The following ZRANB3 variants were observed in gnomAD, a reference collection of about 807,000 sequenced individuals.
The protein encoded by ZRANB3 is DNA annealing helicase and endonuclease ZRANB3.
A neutral mutation model predicts 133.8 loss-of-function variants in ZRANB3; 125 were observed. That is an observed-to-expected ratio of 0.93 (90% confidence interval 0.81 to 1.08). The LOEUF (loss-of-function observed/expected upper bound fraction) is 1.08, where lower values mean the gene tolerates loss of function less well. ZRANB3 is among the 50% of genes least tolerant of loss of function. The pLI, the probability that ZRANB3 is intolerant of heterozygous loss-of-function variation, is 0.00. For missense variants in ZRANB3, 1,229 were observed against 1,275.5 expected (o/e 0.96, Z 0.56); for synonymous variants, 387 against 432.7 (o/e 0.89, Z 1.31).
chr2:135,401,625 G>GGGTT (rs1687733942), intron 2 of ZRANB3, among the ~76,000 whole-genome samples: 1 of 152,154 alleles, frequency 6.6e-6, no homozygotes, highest in African/African-American at 2.4e-5. Flanking sequence ...TGTTAAAATA[G>GGGTT]GGTTGACTCA....
At position 135,511,819 on chromosome 2, in the gene ZRANB3, T is replaced by C. The variant is rs183759509; in HGVS notation, c.-7-7323A>G. 3.6e-4 allele frequency: 271 copies of C among 761,042 alleles called. 1 individual carries two copies. Among genetic ancestry groups the C allele is most frequent in the Admixed American group, 8.6e-4 (50 of 58,252 alleles). 47.1% of individuals were successfully genotyped at this position (761,042 alleles called of 1,614,324 possible). A position where few individuals can be genotyped will look rare whatever the true frequency, so the allele number is the denominator to read the frequency against. On this transcript the variant is annotated intron_variant, in intron 1 of 20. Coordinates refer to ENST00000264159, the MANE Select transcript of ZRANB3 (RefSeq NM_032143.4). Reference sequence around the variant, plus strand: ...CTTTCTATTTGAATCCAATCCCCCATGGACATAAGAAGAGTTCCTTCCATA... The same window carrying C: ...CTTTCTATTTGAATCCAATCCCCCACGGACATAAGAAGAGTTCCTTCCATA...
intron 12 of ZRANB3, among the ~76,000 whole-genome samples, chr2:135,262,068 G>A (rs1462815717): frequency 1.3e-5 from 2 of 149,722 alleles, no homozygotes; most frequent in African/African-American, 4.9e-5. Context: ...GCTGAGGCAG[G>A]AGCATTGCTT....
intron 1 of ZRANB3, among the ~76,000 whole-genome samples, chr2:135,522,309 A>G (rs1199629381): frequency 6.6e-6 from 1 of 152,112 alleles, no homozygotes; most frequent in African/African-American, 2.4e-5. Context: ...TTGTAAACCA[A>G]TAAATTGGGT....
At chr2:135,442,741 G>A (rs566034980) in intron 2 of ZRANB3, among the ~76,000 whole-genome samples, 1 of 152,228 alleles carries the variant, frequency 6.6e-6, no homozygotes, top group African/African-American at 2.4e-5. Context: ...AAAGACACAC[G>A]CAAACGTATG....
rs1478207395 is a variant in ZRANB3 at position 135,295,039 on chromosome 2, G to C, written c.966+18450C>G. 2.0e-5 allele frequency among the ~76,000 whole-genome samples: 3 copies of C among 152,242 alleles called. No individual in the cohort carries two copies. In the East Asian group the frequency reaches 5.8e-4, roughly 29 times the overall value. ...TAACTATGTGGTTAATTTTGGGATAGGTGTGGTGTGGTGCTGAAAAGAATG... is the reference window on the plus strand; with the variant it reads ...TAACTATGTGGTTAATTTTGGGATACGTGTGGTGTGGTGCTGAAAAGAATG... On this transcript the variant is annotated intron_variant, in intron 8 of 20. Coordinates refer to ENST00000264159, the MANE Select transcript of ZRANB3 (RefSeq NM_032143.4).
chr2:135,201,752 CT>C (rs1331298254), intron 20 of ZRANB3, among the ~76,000 whole-genome samples: 1 of 151,594 alleles, frequency 6.6e-6, no homozygotes, highest in East Asian at 1.9e-4. Context: ...TTAAATATAA[CT>C]GATTAGCATC....
chr2:135,314,116 G>C (rs907270925), intron 7 of ZRANB3, among the ~76,000 whole-genome samples: 9 of 152,048 alleles, frequency 5.9e-5, no homozygotes. Flanking sequence ...TGCCCACCTC[G>C]ACCTCCCAAA....
chr2:135,317,295 T>C (rs532361992), intron 6 of ZRANB3, among the ~76,000 whole-genome samples: 2 of 152,330 alleles, frequency 1.3e-5, no homozygotes, highest in South Asian at 4.1e-4. Flanking sequence ...ATACCTGTTC[T>C]GCACCTATTT....
intron 6 of ZRANB3, among the ~76,000 whole-genome samples, chr2:135,344,214 G>A (rs1346800881): frequency 6.6e-6 from 1 of 152,116 alleles, no homozygotes; most frequent in African/African-American, 2.4e-5. Context: ...GGTATGAGGA[G>A]ATAAAGTTAC....
chr2:135,530,057 C>A (rs2104854459), intron 1 of ZRANB3, among the ~76,000 whole-genome samples: 1 of 151,376 alleles, frequency 6.6e-6, no homozygotes, highest in Non-Finnish European at 1.5e-5. Flanking sequence ...GAAACCCCGT[C>A]TCTACTAAAA....
chr2:135,210,207 C>T (rs577499960), intron 17 of ZRANB3, among the ~76,000 whole-genome samples: 4 of 152,272 alleles, frequency 2.6e-5, no homozygotes, highest in African/African-American at 9.6e-5. Context: ...ATACGTCCCT[C>T]ACCAATTAGA....
intron 2 of ZRANB3, among the ~76,000 whole-genome samples, chr2:135,458,972 A>G (rs1690646606): frequency 6.6e-6 from 1 of 152,120 alleles, no homozygotes; most frequent in African/African-American, 2.4e-5. Context: ...TTCAAACTAA[A>G]ACAAGAACCC....
At chr2:135,522,032 C>A (rs1693967420) in intron 1 of ZRANB3, among the ~76,000 whole-genome samples, 2 of 152,104 alleles carry the variant, frequency 1.3e-5, no homozygotes, top group South Asian at 4.1e-4. Context: ...CTGCAGCATG[C>A]CACAGGTTGC....
At chr2:135,450,343 G>A (rs1450756106) in intron 2 of ZRANB3, among the ~76,000 whole-genome samples, 1 of 149,428 alleles carries the variant, frequency 6.7e-6, no homozygotes, top group East Asian at 1.9e-4. Flanking sequence ...TATATAACAG[G>A]CAATATTTGA....
intron 1 of ZRANB3, among the ~76,000 whole-genome samples, chr2:135,529,545 G>A (rs1694320154): frequency 1.3e-5 from 2 of 151,910 alleles, no homozygotes; most frequent in African/African-American, 2.4e-5. Flanking sequence ...TCTGTCACCC[G>A]AGGCTGGAGT....
intron 2 of ZRANB3, among the ~76,000 whole-genome samples, chr2:135,397,434 C>T (rs904831340): frequency 3.4e-5 from 5 of 148,808 alleles, no homozygotes; most frequent in African/African-American, 1.2e-4. Context: ...GGCAAGAAAG[C>T]CAGACCCTGA....
At chr2:135,447,767 C>T (rs760480506) in intron 2 of ZRANB3, among the ~76,000 whole-genome samples, 1 of 152,162 alleles carries the variant, frequency 6.6e-6, no homozygotes, top group Non-Finnish European at 1.5e-5. Context: ...AGTAAATTTG[C>T]TGAACCTTTT....
At chr2:135,241,082 TAC>T (rs1695528863) in intron 12 of ZRANB3, among the ~76,000 whole-genome samples, 1 of 152,224 alleles carries the variant, frequency 6.6e-6, no homozygotes, top group African/African-American at 2.4e-5. Context: ...GGACTTAAGA[TAC>T]CTTATTAATT....
intron 1 of ZRANB3, chr2:135,510,547 C>A: frequency 3.0e-6 from 2 of 663,956 alleles, no homozygotes; most frequent in Non-Finnish European, 2.7e-6. Flanking sequence ...CATGAAGATT[C>A]ACTGCCATGG....
Sources: gnomAD v4.1 joint callset for allele counts (sites outside exome capture counted in the v4.1 genomes callset) on GRCh38, gnomAD v4.1.1 for gene constraint, MANE v1.5 for transcripts, NCBI Gene and HGNC (gene_info 2026-07-23, HGNC 2026-07-21) for gene names.